The following DCLK2 variants were observed in gnomAD, a reference collection of about 807,000 sequenced individuals.
The protein encoded by DCLK2 is serine/threonine-protein kinase DCLK2.
A neutral mutation model predicts 78.4 loss-of-function variants in DCLK2; 31 were observed. The ratio of observed to expected loss-of-function variants is 0.40; its 90% CI spans 0.30 to 0.53. The LOEUF is 0.53. DCLK2 is among the 20% of genes least tolerant of loss of function. The pLI, the probability that DCLK2 is intolerant of heterozygous loss-of-function variation, is 0.61. For synonymous variants in DCLK2, 407 were observed against 374.9 expected, an observed-to-expected ratio of 1.09 and a Z score of -0.99; for missense variants, 872 against 973.7, an observed-to-expected ratio of 0.90 and a Z score of 1.39.
intron 5 of DCLK2, 91 bp from the exon 6 acceptor site, chr4:150,220,612 T>C (rs371069446): frequency 4.7e-6 from 5 of 1,074,282 alleles, no homozygotes; most frequent in African/African-American, 3.1e-5. Context: ...GACACATTTT[T>C]ACATTCTGTA....
rs1347065119 is a variant in DCLK2, at chr4:150,249,612, T to A, written c.2001T>A (p.Gly667=). The change falls in exon 15 of 16, where the codon GGT becomes GGA. Residue 667 remains glycine, a synonymous_variant. Transcript: ENST00000296550. ...QENNMQAEVT[G]KLKQHFNNAL... is the part of the protein sequence containing the mutation. ...ATAACATGCAAGCTGAGGTGACAGG[T>A]AAACTAAAACAGCACTTTAATAATG... 1.9e-6 allele frequency: 3 copies of A among 1,613,612 alleles called. No individual in the cohort carries two copies. The African/African-American group carries it at 4.0e-5, about 22-fold the overall frequency.
At chr4:150,108,973 G>C (rs554629238) in intron 2 of DCLK2, among the ~76,000 whole-genome samples, 2 of 152,108 alleles carry the variant, frequency 1.3e-5, no homozygotes, top group Non-Finnish European at 2.9e-5. Flanking sequence ...CCTCTTTGGG[G>C]AACATGGCAA....
At chr4:150,117,079 TAA>T (rs1408292399) in intron 2 of DCLK2, among the ~76,000 whole-genome samples, 11 of 152,082 alleles carry the variant, frequency 7.2e-5, no homozygotes, top group Non-Finnish European at 1.6e-4. Context: ...GGGGGCTGGA[TAA>T]GGCAGGACTG....
At chr4:150,203,722 C>T in intron 4 of DCLK2, 73 bp from the exon 5 acceptor site, 1 of 1,225,466 alleles carries the variant, frequency 8.2e-7, no homozygotes, top group East Asian at 2.3e-5. Context: ...GTGCATGCAC[C>T]TAGTGTATTT....
intron 2 of DCLK2, among the ~76,000 whole-genome samples, chr4:150,135,240 G>A (rs1733612006): frequency 6.6e-6 from 1 of 151,450 alleles, no homozygotes; most frequent in Admixed American, 6.6e-5. Context: ...TTGCTTCTTG[G>A]AGATTCACAG....
intron 2 of DCLK2, among the ~76,000 whole-genome samples, chr4:150,133,824 A>T (rs1482430180): frequency 6.6e-6 from 1 of 152,208 alleles, no homozygotes; most frequent in East Asian, 1.9e-4. Flanking sequence ...GAGTCATGTA[A>T]ACAAGGGTTG....
At chr4:150,086,870 C>T (rs530481905) in intron 1 of DCLK2, among the ~76,000 whole-genome samples, 2 of 152,226 alleles carry the variant, frequency 1.3e-5, no homozygotes, top group East Asian at 1.9e-4. Context: ...ATTCTAAGCC[C>T]GCTAATATTT....
intron 2 of DCLK2, among the ~76,000 whole-genome samples, chr4:150,114,836 A>T (rs1006380068): frequency 6.6e-6 from 1 of 152,120 alleles, no homozygotes; most frequent in Admixed American, 6.5e-5. Context: ...CTTTGTGTTG[A>T]CTTTAGATAG....
chr4:150,098,271 G>T (rs895334918), intron 1 of DCLK2, among the ~76,000 whole-genome samples: 58 of 152,034 alleles, frequency 3.8e-4, no homozygotes, highest in African/African-American at 1.2e-3. Flanking sequence ...GGGGATGTTT[G>T]GTATTGTGGA....
chr4:150,248,247 A>G, intron 13 of DCLK2, 58 bp from the exon 14 acceptor site: 1 of 1,468,890 alleles, frequency 6.8e-7, no homozygotes, highest in South Asian at 1.1e-5. Context: ...TTCTGTATTT[A>G]TGCTGGAATT....
At chr4:150,116,083 C>G (rs72965532) in intron 2 of DCLK2, among the ~76,000 whole-genome samples, 7,145 of 152,214 alleles carry the variant, frequency 0.047, 519 homozygotes, top group African/African-American at 0.16. Flanking sequence ...ACAGGCACCT[C>G]TTTTCATCTG....
chr4:150,240,946 T>C (rs761757813), intron 12 of DCLK2, among the ~76,000 whole-genome samples: 7 of 152,154 alleles, frequency 4.6e-5, no homozygotes, highest in Non-Finnish European at 8.8e-5. Flanking sequence ...AAACCCATAA[T>C]ACAGTGTCTA....
chr4:150,245,730 G>A lies in DCLK2; in HGVS notation c.1779-1873G>A, dbSNP rs1454416991. Among the ~76,000 whole-genome samples the A allele has an allele frequency of 2.0e-5, 3 of 152,142 alleles. No homozygotes were observed. In the East Asian group the frequency reaches 5.8e-4, roughly 29 times the overall value. ...TTTTATGACTGCATAGTATTCCATG[G>A]TGTATATGTGCCACATTTTCTTAAT... On this transcript the variant is annotated intron_variant, in intron 12 of 15. Coordinates refer to ENST00000296550, the MANE Select transcript of DCLK2 (RefSeq NM_001040260.4).
chr4:150,128,966 A>C (rs1733100710), intron 2 of DCLK2, among the ~76,000 whole-genome samples: 1 of 152,130 alleles, frequency 6.6e-6, no homozygotes, highest in South Asian at 2.1e-4. Flanking sequence ...CAGGACTATT[A>C]CTCAGAAGTA....
At chr4:150,141,878 G>A (rs770155833) in intron 2 of DCLK2, among the ~76,000 whole-genome samples, 2 of 152,090 alleles carry the variant, frequency 1.3e-5, no homozygotes, top group African/African-American at 2.4e-5. Flanking sequence ...TTAATACCCT[G>A]GAATATGGTA....
intron 1 of DCLK2, among the ~76,000 whole-genome samples, chr4:150,089,463 T>G (rs1470560236): frequency 1.3e-5 from 2 of 152,220 alleles, no homozygotes; most frequent in East Asian, 3.9e-4. Flanking sequence ...CCCTGTTTAT[T>G]TACAAATATT....
chr4:150,224,431 A>G lies in DCLK2; in HGVS notation c.1242-70A>G, dbSNP rs1446122859. 5.5e-6 allele frequency: 8 copies of G among 1,448,980 alleles called. No homozygotes were observed. The East Asian group carries it at 1.4e-4, about 25-fold the overall frequency. 89.8% of individuals were successfully genotyped at this position (1,448,980 alleles called of 1,614,324 possible). On this transcript the variant is annotated intron_variant, in intron 7 of 15. Transcript: ENST00000296550. ...AAAAAAAAAAAAATTAAAGTATAAAAAAGAAAGAAAACAGGAATGATGGTA... is the reference window on the plus strand; with the variant it reads ...AAAAAAAAAAAAATTAAAGTATAAAGAAGAAAGAAAACAGGAATGATGGTA...
chr4:150,080,565 G>A (rs1359266806), intron 1 of DCLK2, among the ~76,000 whole-genome samples: 1 of 152,174 alleles, frequency 6.6e-6, no homozygotes, highest in Non-Finnish European at 1.5e-5. Context: ...GCAATAGCTT[G>A]GCAGGGAGAG....
chr4:150,080,796 A>T (rs1404020634), intron 1 of DCLK2, among the ~76,000 whole-genome samples: 1 of 152,190 alleles, frequency 6.6e-6, no homozygotes, highest in Non-Finnish European at 1.5e-5. Flanking sequence ...TTTAGTCAGA[A>T]GTTTTTGCTG....
Sources: allele counts gnomAD v4.1 joint callset (sites outside exome capture counted in the v4.1 genomes callset), GRCh38; gene constraint gnomAD v4.1.1; transcripts MANE v1.5; gene names NCBI Gene and HGNC (gene_info 2026-07-23, HGNC 2026-07-21).